CNGB1: variants seen among roughly 807,000 people sequenced by gnomAD.
CNGB1 encodes the protein cyclic nucleotide gated channel subunit beta 1.
A neutral mutation model predicts 151.7 loss-of-function variants in CNGB1; 126 were observed. That is an observed-to-expected ratio of 0.83 (90% CI 0.72 to 0.96). The LOEUF (loss-of-function observed/expected upper bound fraction) is 0.96, where lower values mean the gene tolerates loss of function less well. CNGB1 is among the 40% of genes least tolerant of loss of function. The pLI is 0.00. For synonymous variants in CNGB1, 623 were observed against 635.1 expected, an observed-to-expected ratio of 0.98 and a Z score of 0.29; for missense variants, 1,698 against 1,627.0, an observed-to-expected ratio of 1.04 and a Z score of -0.75.
At chr16:57,905,947 T>C (rs987674128) in intron 25 of CNGB1, among the ~76,000 whole-genome samples, 3 of 152,218 alleles carry the variant, frequency 2.0e-5, no homozygotes, top group Admixed American at 6.5e-5. Flanking sequence ...TCAAAAGGCA[T>C]GAAGACACCA....
At chr16:57,946,962 C>T (rs143701639) in intron 14 of CNGB1, among the ~76,000 whole-genome samples, 3,012 of 152,336 alleles carry the variant, frequency 0.02, 47 homozygotes, top group Non-Finnish European at 0.029. Flanking sequence ...AAGGCTGTCA[C>T]GTGGATGTGT....
chr16:57,906,749 C>A (rs543943097), intron 25 of CNGB1, among the ~76,000 whole-genome samples: 2 of 152,186 alleles, frequency 1.3e-5, no homozygotes, highest in Non-Finnish European at 2.9e-5. Flanking sequence ...AGGACATAGG[C>A]GCGATGTCCA....
chr16:57,924,643 G>A (rs571814698), intron 17 of CNGB1, among the ~76,000 whole-genome samples: 1 of 152,156 alleles, frequency 6.6e-6, no homozygotes, highest in Non-Finnish European at 1.5e-5. Flanking sequence ...AGGACTTGAC[G>A]TGGTTTTGGC....
chr16:57,911,295 A>G (rs1284850897), intron 25 of CNGB1, among the ~76,000 whole-genome samples: 1 of 151,918 alleles, frequency 6.6e-6, no homozygotes, highest in Admixed American at 6.6e-5. Context: ...CTCTTTTTCT[A>G]TTTTTATTTT....
chr16:57,947,279 C>T (rs758856662), intron 14 of CNGB1, among the ~76,000 whole-genome samples: 6 of 152,174 alleles, frequency 3.9e-5, no homozygotes, highest in Non-Finnish European at 2.9e-5. Flanking sequence ...TGTCTCAGAT[C>T]CAGAGCAGTG....
At chr16:57,896,718 A>AAATG (rs1960238292) in intron 31 of CNGB1, among the ~76,000 whole-genome samples, 1 of 45,484 alleles carries the variant, frequency 2.2e-5, no homozygotes, top group Non-Finnish European at 4.4e-5. Flanking sequence ...GTCTCAAAAT[A>AAATG]AATAAATAAA....
intron 24 of CNGB1, 31 bp downstream of exon 24, chr16:57,912,899 T>C (rs367891855): frequency 6.2e-7 from 1 of 1,605,404 alleles, no homozygotes; most frequent in South Asian, 1.1e-5. Flanking sequence ...CATGTGTGTG[T>C]GCATGCATGC....
chr16:57,963,955 C>G, intron 4 of CNGB1, 175 bp downstream of exon 4: 1 of 611,498 alleles, frequency 1.6e-6, no homozygotes, highest in Non-Finnish European at 2.9e-6. Flanking sequence ...AGGGAGAGCC[C>G]GCCCTCCACC....
At chr16:57,965,326 C>T (rs904105015) in intron 2 of CNGB1, among the ~76,000 whole-genome samples, 1 of 152,112 alleles carries the variant, frequency 6.6e-6, no homozygotes, top group African/African-American at 2.4e-5. Context: ...TGCATGCATG[C>T]CCCAACACAT....
At chr16:57,931,929 C>A (rs1212021713) in intron 16 of CNGB1, 51 bp from the exon 17 acceptor site, 6 of 1,591,920 alleles carry the variant, frequency 3.8e-6, no homozygotes, top group Non-Finnish European at 4.3e-6. Context: ...AAAGCTGGGT[C>A]CCAGGAGTCC....
chr16:57,962,730 C>T (rs1468710013), intron 6 of CNGB1, 112 bp downstream of exon 6: 3 of 1,572,066 alleles, frequency 1.9e-6, no homozygotes, highest in African/African-American at 2.7e-5. Flanking sequence ...CAGGGTCAGT[C>T]AGGTGAGAAG....
At chr16:57,894,336 C>T (rs1960168225) in intron 31 of CNGB1, among the ~76,000 whole-genome samples, 1 of 152,206 alleles carries the variant, frequency 6.6e-6, no homozygotes, top group Non-Finnish European at 1.5e-5. Flanking sequence ...TGTGGTGGCT[C>T]ACACCTGTAA....
At chr16:57,953,453 C>T (rs1374809923) in intron 12 of CNGB1, among the ~76,000 whole-genome samples, 3 of 150,436 alleles carry the variant, frequency 2.0e-5, no homozygotes, top group Non-Finnish European at 4.4e-5. Flanking sequence ...CGAGATCACA[C>T]CACTGCACTC....
chr16:57,970,648 C>A (rs1173970087), intron 1 of CNGB1, among the ~76,000 whole-genome samples: 3 of 152,162 alleles, frequency 2.0e-5, no homozygotes, highest in Non-Finnish European at 2.9e-5. Context: ...CCTCCCCGAT[C>A]CCCCATTTTT....
chr16:57,919,718 T>A lies in CNGB1; in HGVS notation c.1802-464A>T, dbSNP rs140926148. On this transcript the variant is annotated intron_variant, in intron 19 of 32. Coordinates refer to ENST00000251102, the MANE Select transcript of CNGB1 (RefSeq NM_001297.5). Reference sequence around the variant, plus strand: ...CTGAGAGGGAATCTCAACTCTTTCATCTCTAAAAACAGAGACCAGATGGGA... The same window carrying A: ...CTGAGAGGGAATCTCAACTCTTTCAACTCTAAAAACAGAGACCAGATGGGA... Among the ~76,000 whole-genome samples the A allele has an allele frequency of 2.4e-4, 37 of 152,264 alleles. No individual in the cohort carries two copies. In the East Asian group the frequency reaches 6.6e-3, roughly 27 times the overall value.
chr16:57,931,786 C>T lies in CNGB1; in HGVS notation c.1465G>A (p.Val489Met), dbSNP rs573860701. Reference sequence around the variant, plus strand: ...TTGGCAGGAGACGGTGGCGGCAACACGGTTGAGGGTGGATTCTCTTCTGCC... The same window carrying T: ...TTGGCAGGAGACGGTGGCGGCAACATGGTTGAGGGTGGATTCTCTTCTGCC... The part of the protein sequence containing the change: ...LMAEENPPST[V>M]LPPPSPAKSD... Residue 489 changes from valine to methionine, a missense_variant, in exon 17 of 33, where the codon GTG (valine) becomes ATG (methionine). Physicochemically the swap from Val to Met is conservative, Grantham distance 21. Coordinates refer to ENST00000251102, the MANE Select transcript of CNGB1 (RefSeq NM_001297.5). 2.5e-5 allele frequency: 41 copies of T among 1,614,112 alleles called. No homozygotes were observed. Among genetic ancestry groups the T allele is most frequent in the Middle Eastern group, 1.6e-4 (1 of 6,062 alleles).
At chr16:57,897,205 G>A (rs1303343378) in intron 31 of CNGB1, among the ~76,000 whole-genome samples, 192 bp downstream of exon 31, 8 of 151,686 alleles carry the variant, frequency 5.3e-5, no homozygotes, top group Admixed American at 3.3e-4. Context: ...GGGAGGCTGA[G>A]GCAGGAGGAT....
At chr16:57,935,877 C>T (rs1961495386) in intron 16 of CNGB1, among the ~76,000 whole-genome samples, 1 of 151,906 alleles carries the variant, frequency 6.6e-6, no homozygotes, top group Non-Finnish European at 1.5e-5. Flanking sequence ...TGTTGGATGA[C>T]CTCCATGCCA....
intron 12 of CNGB1, among the ~76,000 whole-genome samples, chr16:57,951,854 G>A (rs1337865127): frequency 1.3e-5 from 2 of 152,208 alleles, no homozygotes; most frequent in East Asian, 3.9e-4. Flanking sequence ...CCACTTCTAG[G>A]TACAGATATT....
Sources: gnomAD v4.1 joint callset for allele counts (sites outside exome capture counted in the v4.1 genomes callset) on GRCh38, gnomAD v4.1.1 for gene constraint, MANE v1.5 for transcripts, NCBI Gene and HGNC (gene_info 2026-07-23, HGNC 2026-07-21) for gene names.